The following MAP3K20 variants were observed in gnomAD, a reference collection of about 807,000 sequenced individuals.
MAP3K20 encodes the protein mitogen-activated protein kinase kinase kinase 20.
A neutral mutation model predicts 85.7 loss-of-function variants in MAP3K20; 40 were observed. The observed-to-expected ratio is 0.47, with a 90% CI of 0.36 to 0.61. The LOEUF is 0.61. Among genes scored for constraint, MAP3K20 ranks in the 20% least tolerant of loss-of-function variants. MAP3K20 has a pLI of 0.00. For synonymous variants in MAP3K20, 325 were observed against 327.7 expected (o/e 0.99, Z 0.09); for missense variants, 817 against 961.7 (o/e 0.85, Z 1.99).
intron 2 of MAP3K20, among the ~76,000 whole-genome samples, chr2:173,156,725 G>A (rs1247039459): frequency 6.6e-6 from 1 of 152,198 alleles, no homozygotes; most frequent in East Asian, 1.9e-4. Context: ...CCTGCTGTGC[G>A]ACCTGGTTCC....
At chr2:173,109,389 T>C (rs1205648696) in intron 2 of MAP3K20, among the ~76,000 whole-genome samples, 1 of 152,190 alleles carries the variant, frequency 6.6e-6, no homozygotes, top group Non-Finnish European at 1.5e-5. Context: ...CTGTATATGC[T>C]CTGTAGGTGA....
At chr2:173,220,611 T>C (rs970697023) in intron 11 of MAP3K20, among the ~76,000 whole-genome samples, 4 of 152,202 alleles carry the variant, frequency 2.6e-5, no homozygotes, top group East Asian at 1.9e-4. Context: ...TTTTAGTGTA[T>C]ATTCAGAGTA....
chr2:173,162,979 C>T (rs981102244), intron 2 of MAP3K20, among the ~76,000 whole-genome samples: 2 of 152,130 alleles, frequency 1.3e-5, no homozygotes, highest in East Asian at 1.9e-4. Flanking sequence ...GCTTCATAAA[C>T]GATTGCTTTC....
chr2:173,238,549 T>C (rs1156482159), intron 15 of MAP3K20, 114 bp downstream of exon 15: 4 of 933,728 alleles, frequency 4.3e-6, no homozygotes, highest in Non-Finnish European at 6.5e-6. Flanking sequence ...TGAAATTTCA[T>C]CATATCTGTC....
At chr2:173,172,569 G>A (rs1349270076) in intron 3 of MAP3K20, among the ~76,000 whole-genome samples, 3 of 152,074 alleles carry the variant, frequency 2.0e-5, no homozygotes, top group African/African-American at 7.2e-5. Flanking sequence ...CTCTGGGTGT[G>A]TATGTGTGTG....
intron 2 of MAP3K20, among the ~76,000 whole-genome samples, chr2:173,126,525 A>C (rs191603000): frequency 1.3e-5 from 2 of 152,204 alleles, no homozygotes; most frequent in Admixed American, 1.3e-4. Context: ...GACTACAGGC[A>C]TGCACCATCA....
At chr2:173,082,142 C>T (rs1687030789) in intron 1 of MAP3K20, among the ~76,000 whole-genome samples, 1 of 152,120 alleles carries the variant, frequency 6.6e-6, no homozygotes, top group Admixed American at 6.5e-5. Flanking sequence ...GCAGGGACTA[C>T]AGGCATGAAC....
chr2:173,118,316 A>G (rs1037674664), intron 2 of MAP3K20, among the ~76,000 whole-genome samples: 15 of 152,250 alleles, frequency 9.9e-5, no homozygotes, highest in African/African-American at 3.4e-4. Flanking sequence ...GATCTAGTTC[A>G]GGGAGCAAGA....
At position 173,098,978 on chromosome 2, in the gene MAP3K20, C is replaced by T. The variant is rs2106157776; in HGVS notation, c.159+7788C>T. Among the ~76,000 whole-genome samples, 3 of 152,242 alleles carry T rather than the reference C, an allele frequency of 2.0e-5. No individual in the cohort carries two copies. The South Asian group carries it at 6.2e-4, about 32-fold the overall frequency. ...CAGCTTTCTAGTTGTTTCTGATGTC[C>T]CCTAGAGTTTGAGAACCACTACTTT... On this transcript the variant is annotated intron_variant, in intron 2 of 19. Transcript: ENST00000375213.
chr2:173,091,177 A>G lies in MAP3K20; in HGVS notation c.146A>G (p.Lys49Arg). Reference sequence around the variant, plus strand: ...GAGGTGGCTGTAAAGAAGCTCCTCAAAATAGAGAAAGAGGTAAGGTCTTTT... The same window carrying G: ...GAGGTGGCTGTAAAGAAGCTCCTCAGAATAGAGAAAGAGGTAAGGTCTTTT... The part of the protein sequence containing the change: ...DKEVAVKKLL[K>R]IEKEAEILSV... Residue 49 changes from lysine (K) to arginine (R), a missense_variant, in exon 2 of 20, where the codon AAA (lysine) becomes AGA (arginine). By Grantham distance (26) the Lys-to-Arg change is conservative. Transcript: ENST00000375213. The G allele has an allele frequency of 6.2e-7, 1 of 1,612,798 alleles. No individual in the cohort carries two copies. Among genetic ancestry groups the G allele is most frequent in the Non-Finnish European group, 8.5e-7 (1 of 1,179,448 alleles).
rs570610279 is a variant in MAP3K20 at position 173,147,744 on chromosome 2, G to A, written c.160-22061G>A. On this transcript the variant is annotated intron_variant, in intron 2 of 19. Transcript: ENST00000375213. The stretch of plus-strand genomic sequence containing the variant: ...TGGGACTACAGGCGCCTGCCACCAC[G>A]CCCGGCTAATTTTTGTATTTTTAGT... Among the ~76,000 whole-genome samples, 314 of 152,034 alleles carry A rather than the reference G, an allele frequency of 2.1e-3. 4 individuals are homozygous for A. Among genetic ancestry groups the A allele is most frequent in the Non-Finnish European group, 3.3e-3 (225 of 67,956 alleles).
chr2:173,146,392 C>T (rs1262980645), intron 2 of MAP3K20, among the ~76,000 whole-genome samples: 2 of 152,110 alleles, frequency 1.3e-5, no homozygotes, highest in East Asian at 1.9e-4. Flanking sequence ...ATATGTAATA[C>T]TGAAGGTGAA....
At chr2:173,230,764 G>A (rs1187568014) in intron 12 of MAP3K20, among the ~76,000 whole-genome samples, 2 of 152,204 alleles carry the variant, frequency 1.3e-5, no homozygotes, top group Non-Finnish European at 2.9e-5. Context: ...GGGAGGCTGA[G>A]GCAGGAGGAT....
Position 173,258,710 on chromosome 2 carries a change from G to GA in MAP3K20, c.1375dup (p.Met459AsnfsTer9). The GA allele has an allele frequency of 1.2e-6, 2 of 1,600,392 alleles. No individual in the cohort carries two copies. The highest frequency in any genetic ancestry group is 1.7e-6 in the Non-Finnish European group (2 of 1,171,622). ...GTTTTTAATTCCAGGATTGTAAGTG[G>GA]AAAATGTATATGGAGATGGATGGGG... On this transcript the variant is annotated frameshift_variant, in exon 17 of 20. Coordinates refer to ENST00000375213, the MANE Select transcript of MAP3K20 (RefSeq NM_016653.3). LOFTEE classifies it high-confidence loss of function.
At chr2:173,141,518 T>C (rs1265899038) in intron 2 of MAP3K20, among the ~76,000 whole-genome samples, 1 of 151,964 alleles carries the variant, frequency 6.6e-6, no homozygotes, top group African/African-American at 2.4e-5. Flanking sequence ...ATATAATTTA[T>C]CAAATCTCAA....
At chr2:173,134,773 C>G (rs1688752861) in intron 2 of MAP3K20, among the ~76,000 whole-genome samples, 1 of 151,942 alleles carries the variant, frequency 6.6e-6, no homozygotes, top group Non-Finnish European at 1.5e-5. Flanking sequence ...CCTTATTATG[C>G]TTAATATATG....
chr2:173,224,778 T>G, intron 11 of MAP3K20: 1 of 985,286 alleles, frequency 1.0e-6, no homozygotes, highest in Non-Finnish European at 1.2e-6. Flanking sequence ...AATTCTATAG[T>G]GTCCCACTCT....
intron 1 of MAP3K20, among the ~76,000 whole-genome samples, chr2:173,079,285 A>C (rs1686949676): frequency 6.6e-6 from 1 of 152,228 alleles, no homozygotes; most frequent in Admixed American, 6.5e-5. Flanking sequence ...TACAGTATCA[A>C]AGATAAAAAA....
intron 7 of MAP3K20, among the ~76,000 whole-genome samples, chr2:173,192,503 T>C (rs1690687517): frequency 1.3e-5 from 2 of 152,216 alleles, no homozygotes; most frequent in Admixed American, 1.3e-4. Flanking sequence ...GCTTAATACC[T>C]GATATCCAAA....
Sources: allele counts gnomAD v4.1 joint callset (sites outside exome capture counted in the v4.1 genomes callset), GRCh38; gene constraint gnomAD v4.1.1; transcripts MANE v1.5; gene names NCBI Gene and HGNC (gene_info 2026-07-23, HGNC 2026-07-21).